NTM: variants seen among roughly 807,000 people sequenced by gnomAD.
The protein encoded by NTM is IgLON family member 2.
NTM carries 13 observed loss-of-function variants against 42.1 expected under a neutral mutation model. That is an observed-to-expected ratio of 0.31 (90% confidence interval 0.20 to 0.49). NTM has a LOEUF of 0.49. Ranked by LOEUF, NTM falls within the 20% of genes least tolerant of loss-of-function variation. The pLI, the probability that NTM is intolerant of heterozygous loss-of-function variation, is 0.99. For synonymous variants in NTM, 187 were observed against 179.2 expected, an observed-to-expected ratio of 1.04 and a Z score of -0.35; for missense variants, 373 against 452.8, an observed-to-expected ratio of 0.82 and a Z score of 1.60.
intron 2 of NTM, among the ~76,000 whole-genome samples, chr11:132,134,755 A>C (rs10791207): frequency 0.18 from 14,070 of 79,556 alleles, 1,648 homozygotes; most frequent in Admixed American, 0.23. Context: ...ATATATATAT[A>C]TATATCTCAC....
chr11:131,768,173 A>T (rs1250711033), intron 1 of NTM, among the ~76,000 whole-genome samples: 1 of 138,042 alleles, frequency 7.2e-6, no homozygotes, highest in Non-Finnish European at 1.5e-5. Context: ...CCCAGGCTGG[A>T]GTGCAATGGT....
chr11:132,063,382 A>G (rs2080977162), intron 2 of NTM, among the ~76,000 whole-genome samples: 1 of 152,232 alleles, frequency 6.6e-6, no homozygotes, highest in African/African-American at 2.4e-5. Flanking sequence ...ATTCTTCCAG[A>G]AGTGTGATAA....
At chr11:132,085,241 T>C (rs551360709) in intron 2 of NTM, among the ~76,000 whole-genome samples, 7 of 152,364 alleles carry the variant, frequency 4.6e-5, no homozygotes, top group East Asian at 1.9e-4. Context: ...TGCATGTAAA[T>C]GTATTTTCAG....
At chr11:132,134,747 A>ATATATCTATATC (rs2067515955) in intron 2 of NTM, among the ~76,000 whole-genome samples, 2 of 89,664 alleles carry the variant, frequency 2.2e-5, no homozygotes, top group African/African-American at 1.1e-4. Context: ...ATATATATAT[A>ATATATCTATATC]TATATATATA....
intron 4 of NTM, chr11:132,285,059 G>T (rs1204636435): frequency 6.6e-6 from 1 of 152,388 alleles, no homozygotes; most frequent in Non-Finnish European, 1.5e-5. Flanking sequence ...GCAGTGTGAG[G>T]AGCAAAGTGA....
intron 3 of NTM, among the ~76,000 whole-genome samples, chr11:132,162,732 T>G: frequency 7.3e-6 from 1 of 137,864 alleles, no homozygotes; most frequent in African/African-American, 2.5e-5. Context: ...GTGGAGCATG[T>G]GTGAGTGTGT....
intron 4 of NTM, among the ~76,000 whole-genome samples, chr11:132,292,570 T>C (rs2094481535): frequency 6.6e-6 from 1 of 151,844 alleles, no homozygotes; most frequent in Admixed American, 6.6e-5. Flanking sequence ...GAGTGCCTGC[T>C]TGAGACAGGC....
chr11:131,468,979 C>T (rs1429844960), intron 1 of NTM, among the ~76,000 whole-genome samples: 1 of 152,230 alleles, frequency 6.6e-6, no homozygotes, highest in African/African-American at 2.4e-5. Context: ...GATGAAATAC[C>T]AAGGCAATAA....
At chr11:132,075,950 A>T (rs2058307403) in intron 2 of NTM, among the ~76,000 whole-genome samples, 2 of 152,212 alleles carry the variant, frequency 1.3e-5, no homozygotes, top group Admixed American at 1.3e-4. Flanking sequence ...ACTAAGGTAA[A>T]TGTCGACAGC....
intron 1 of NTM, among the ~76,000 whole-genome samples, chr11:131,691,197 C>T (rs1248559096): frequency 6.6e-6 from 1 of 152,206 alleles, no homozygotes; most frequent in Non-Finnish European, 1.5e-5. Flanking sequence ...CCACAGCCTA[C>T]GGCCCGTCCC....
chr11:131,888,741 CA>C (rs2050783967), intron 1 of NTM, among the ~76,000 whole-genome samples: 2 of 152,094 alleles, frequency 1.3e-5, no homozygotes, highest in African/African-American at 4.8e-5. Context: ...TGCTCATCCA[CA>C]GGGGGTAAAG....
At chr11:131,830,146 G>T (rs1176159034) in intron 1 of NTM, among the ~76,000 whole-genome samples, 1 of 152,124 alleles carries the variant, frequency 6.6e-6, no homozygotes, top group Non-Finnish European at 1.5e-5. Flanking sequence ...TCTGTTGATA[G>T]TTTCTTTTGC....
chr11:131,539,831 G>A (rs896301079), intron 1 of NTM, among the ~76,000 whole-genome samples: 2 of 152,172 alleles, frequency 1.3e-5, no homozygotes, highest in Non-Finnish European at 2.9e-5. Context: ...GAGCTACTAG[G>A]AGAATGAGAG....
chr11:132,321,129 C>T (rs1045508167), intron 7 of NTM, among the ~76,000 whole-genome samples: 2 of 152,198 alleles, frequency 1.3e-5, no homozygotes, highest in African/African-American at 2.4e-5. Flanking sequence ...CTCTCCTCCT[C>T]CAAAGGAATG....
intron 1 of NTM, among the ~76,000 whole-genome samples, chr11:131,426,290 G>A (rs1005273199): frequency 3.3e-5 from 5 of 152,162 alleles, no homozygotes; most frequent in African/African-American, 1.2e-4. Flanking sequence ...CTTGAGTGAG[G>A]AGGACAGAAA....
At chr11:131,435,451 C>T (rs1949046025) in intron 1 of NTM, among the ~76,000 whole-genome samples, 1 of 152,016 alleles carries the variant, frequency 6.6e-6, no homozygotes, top group South Asian at 2.1e-4. Flanking sequence ...TTGTTTGTGC[C>T]CTCTTTTATT....
intron 1 of NTM, among the ~76,000 whole-genome samples, chr11:131,457,679 A>C (rs1305576970): frequency 6.6e-6 from 1 of 152,094 alleles, no homozygotes; most frequent in African/African-American, 2.4e-5. Context: ...TTGGACCAAA[A>C]ATTTTGGAAT....
At chr11:131,874,892 G>T (rs1215300596) in intron 1 of NTM, among the ~76,000 whole-genome samples, 1 of 152,174 alleles carries the variant, frequency 6.6e-6, no homozygotes, top group Admixed American at 6.5e-5. Flanking sequence ...ACTTAGTTGT[G>T]ATTTGTAATT....
intron 1 of NTM, among the ~76,000 whole-genome samples, chr11:131,872,611 A>G (rs1372971626): frequency 6.6e-6 from 1 of 152,178 alleles, no homozygotes; most frequent in Non-Finnish European, 1.5e-5. Flanking sequence ...GTGCATGTAT[A>G]GTTGAAAGAA....
Sources: allele counts gnomAD v4.1 joint callset (sites outside exome capture counted in the v4.1 genomes callset), GRCh38; gene constraint gnomAD v4.1.1; transcripts MANE v1.5; gene names NCBI Gene and HGNC (gene_info 2026-07-23, HGNC 2026-07-21).